ADGRL2: variants seen among roughly 807,000 people sequenced by gnomAD.
The protein encoded by ADGRL2 is calcium-independent alpha-latrotoxin receptor 2.
Under a neutral mutation model 157.4 loss-of-function variants are expected in ADGRL2, and 44 were observed. The observed-to-expected ratio is 0.28, with a 90% CI of 0.22 to 0.36. The LOEUF is 0.36. ADGRL2 is among the 10% of genes least tolerant of loss of function. The pLI, the probability that ADGRL2 is intolerant of heterozygous loss-of-function variation, is 1.00. For missense variants in ADGRL2, 1,510 were observed against 1,768.9 expected (o/e 0.85, Z 2.63); for synonymous variants, 585 against 624.7 (o/e 0.94, Z 0.95).
At chr1:81,954,479 G>T (rs1652841795) in intron 10 of ADGRL2, among the ~76,000 whole-genome samples, 1 of 152,098 alleles carries the variant, frequency 6.6e-6, no homozygotes, top group African/African-American at 2.4e-5. Context: ...ATCAGAAGCT[G>T]ACTTACACTA....
intron 3 of ADGRL2, among the ~76,000 whole-genome samples, chr1:81,613,200 C>T (rs537646309): frequency 2.0e-4 from 31 of 152,230 alleles, no homozygotes; most frequent in African/African-American, 7.5e-4. Context: ...TTACTTGTCT[C>T]CTATGGTTGT....
In ADGRL2 at chr1:81,950,204, T is replaced by C. The variant is rs749931960; in HGVS notation, c.1226T>C (p.Val409Ala). The change falls in exon 7 of 24, where the codon GTG (valine) becomes GCG (alanine). Residue 409 changes from valine (V) to alanine (A), a missense_variant. Physicochemically the swap from Val to Ala is moderately conservative, Grantham distance 64 (BLOSUM62 0). Coordinates refer to ENST00000686636, the MANE Select transcript of ADGRL2 (RefSeq NM_001366006.2). ...TTTTCCATAGTGCCTACCACAGCTG[T>C]GACAATAACTTCTTCAGCTGAGCTG... ...PDPAQVPTTA[V>A]TITSSAELFK... 11 of 1,613,796 alleles carry C rather than the reference T, an allele frequency of 6.8e-6. No homozygotes were observed. In the South Asian group the frequency reaches 1.2e-4, roughly 18 times the overall value.
At chr1:81,664,800 G>A (rs970015427) in intron 3 of ADGRL2, among the ~76,000 whole-genome samples, 8 of 152,060 alleles carry the variant, frequency 5.3e-5, no homozygotes, top group South Asian at 2.1e-4. Context: ...AAAATACTGC[G>A]TCTTTGCTTA....
At chr1:81,380,746 G>A (rs559929542) in intron 1 of ADGRL2, among the ~76,000 whole-genome samples, 23 of 151,980 alleles carry the variant, frequency 1.5e-4, no homozygotes, top group African/African-American at 4.1e-4. Flanking sequence ...TTCCAAAACC[G>A]CAGATTTATG....
intron 1 of ADGRL2, among the ~76,000 whole-genome samples, chr1:81,710,364 C>T (rs2083884081): frequency 6.6e-6 from 1 of 151,970 alleles, no homozygotes; most frequent in Non-Finnish European, 1.5e-5. Flanking sequence ...GTGGCTCATG[C>T]CTATAATCAC....
At chr1:81,667,338 A>C (rs1256628775) in intron 3 of ADGRL2, among the ~76,000 whole-genome samples, 2 of 152,194 alleles carry the variant, frequency 1.3e-5, no homozygotes, top group Non-Finnish European at 2.9e-5. Flanking sequence ...ACTGCTTATA[A>C]CACTTTTTTC....
intron 2 of ADGRL2, among the ~76,000 whole-genome samples, chr1:81,783,454 A>T (rs1369922947): frequency 1.3e-5 from 2 of 150,910 alleles, no homozygotes; most frequent in Admixed American, 6.6e-5. Flanking sequence ...TTAATTTTCA[A>T]TTTTTTTATT....
intron 2 of ADGRL2, among the ~76,000 whole-genome samples, chr1:81,892,202 A>G (rs2094286122): frequency 6.6e-6 from 1 of 152,100 alleles, no homozygotes; most frequent in Non-Finnish European, 1.5e-5. Flanking sequence ...TCTTTAAGGG[A>G]TAGAACAAGG....
At chr1:81,718,461 T>TA (rs34448377) in intron 1 of ADGRL2, among the ~76,000 whole-genome samples, 119 of 146,700 alleles carry the variant, frequency 8.1e-4, no homozygotes, top group East Asian at 1.4e-3. Flanking sequence ...AATGTAGCAT[T>TA]AAAAAAAAAA....
At chr1:81,436,737 G>T (rs1368850329) in intron 1 of ADGRL2, among the ~76,000 whole-genome samples, 1 of 152,202 alleles carries the variant, frequency 6.6e-6, no homozygotes, top group East Asian at 1.9e-4. Context: ...GCCAGGGACT[G>T]GTCTGCTCAG....
At chr1:81,798,946 TC>T (rs2087728817), upstream of ADGRL2, among the ~76,000 whole-genome samples, 1 of 152,078 alleles carries the variant, frequency 6.6e-6, no homozygotes. Context: ...GTGAAAACCT[TC>T]AAAGATGAAC....
intron 4 of ADGRL2, 125 bp downstream of exon 4, chr1:81,936,962 C>G: frequency 1.7e-6 from 1 of 581,758 alleles, no homozygotes; most frequent in South Asian, 2.4e-5. Context: ...AGAGCACTAA[C>G]AGACTTGGGC....
intron 1 of ADGRL2, among the ~76,000 whole-genome samples, chr1:81,831,216 A>T (rs531194959): frequency 6.6e-6 from 1 of 152,202 alleles, no homozygotes; most frequent in East Asian, 1.9e-4. Flanking sequence ...TGGACTTACT[A>T]TGAACAACTT....
chr1:81,707,526 C>A (rs879468223), intron 1 of ADGRL2, among the ~76,000 whole-genome samples: 1 of 152,164 alleles, frequency 6.6e-6, no homozygotes, highest in Non-Finnish European at 1.5e-5. Context: ...CTTTGCTATC[C>A]ATGTAGCAAA....
chr1:81,487,310 C>A (rs2078529594), intron 2 of ADGRL2, among the ~76,000 whole-genome samples: 1 of 151,786 alleles, frequency 6.6e-6, no homozygotes, highest in Non-Finnish European at 1.5e-5. Flanking sequence ...CAAATCACAC[C>A]TGAAATTTGA....
At chr1:81,617,009 A>G (rs1198524511) in intron 3 of ADGRL2, among the ~76,000 whole-genome samples, 2 of 152,232 alleles carry the variant, frequency 1.3e-5, no homozygotes, top group Non-Finnish European at 2.9e-5. Flanking sequence ...TAAGGCATTC[A>G]CTTCCATGGG....
chr1:81,563,560 TG>T, intron 2 of ADGRL2, among the ~76,000 whole-genome samples: 1 of 152,212 alleles, frequency 6.6e-6, no homozygotes. Context: ...TTATTTTATA[TG>T]TACTTTGGTG....
chr1:81,597,845 G>A (rs1180840493), intron 3 of ADGRL2, among the ~76,000 whole-genome samples: 1 of 152,176 alleles, frequency 6.6e-6, no homozygotes, highest in Admixed American at 6.5e-5. Flanking sequence ...CATTGATAGG[G>A]AGTGTGGAAT....
At chr1:81,597,344 A>T (rs1204199373) in intron 3 of ADGRL2, among the ~76,000 whole-genome samples, 1 of 152,202 alleles carries the variant, frequency 6.6e-6, no homozygotes, top group East Asian at 1.9e-4. Context: ...TTTGCTACAA[A>T]TATAATTCTT....
Sources: gnomAD v4.1 joint callset for allele counts (sites outside exome capture counted in the v4.1 genomes callset) on GRCh38, gnomAD v4.1.1 for gene constraint, MANE v1.5 for transcripts, NCBI Gene and HGNC (gene_info 2026-07-23, HGNC 2026-07-21) for gene names.